The following UBD variants were observed in gnomAD, a reference collection of about 807,000 sequenced individuals.
The protein encoded by UBD is ubiquitin like modifier D, also known as ubiquitin D.
Under a neutral mutation model 2.3 loss-of-function variants are expected in UBD, and 1 was observed. That is an observed-to-expected ratio of 0.43 (90% CI 0.15 to 2.06). UBD has a LOEUF of 2.06. Ranked by LOEUF, UBD falls within the 30% of genes most tolerant of loss-of-function variation. The pLI is 0.29. For synonymous variants in UBD, 75 were observed against 76.5 expected (o/e 0.98, Z 0.10); for missense variants, 175 against 199.3 (o/e 0.88, Z 0.73).
intron 1 of UBD, chr6:29,556,576 T>A: frequency 1.9e-6 from 1 of 520,174 alleles, no homozygotes; most frequent in Non-Finnish European, 3.4e-6. Context: ...TTTTTTTCGA[T>A]CTTGAGAATG....
chr6:29,556,113 G>A lies in UBD; in HGVS notation c.265C>T (p.Pro89Ser), dbSNP rs143322386. The A allele has an allele frequency of 1.2e-6, 2 of 1,612,998 alleles. No individual in the cohort carries two copies. Among genetic ancestry groups the A allele is most frequent in the African/African-American group, 1.3e-5 (1 of 74,914 alleles). ...KVVKPSDEEL[P>S]LFLVESGDEA... ...TCACCTGACTCCACAAGAAACAAGGGCAGCTCCTCATCACTGGGCTTCACC... is the reference window on the plus strand; with the variant it reads ...TCACCTGACTCCACAAGAAACAAGGACAGCTCCTCATCACTGGGCTTCACC... The change falls in exon 2 of 2, where the codon CCC becomes TCC. Residue 89 changes from proline to serine, a missense_variant. Coordinates refer to ENST00000377050, the MANE Select transcript of UBD (RefSeq NM_006398.4).
intron 1 of UBD, 77 bp downstream of exon 1, chr6:29,559,598 C>T (rs1378100924): frequency 6.5e-7 from 1 of 1,539,408 alleles, no homozygotes; most frequent in Non-Finnish European, 9.0e-7. Context: ...ACTGCCCAGC[C>T]CCCGTTTCTA....
chr6:29,559,581 CCT>C (rs1762702188), intron 1 of UBD, 92 bp downstream of exon 1: 1 of 1,387,292 alleles, frequency 7.2e-7, no homozygotes, highest in Admixed American at 1.7e-5. Flanking sequence ...CCCCCAGAGC[CCT>C]GAGTACTGCC....
At chr6:29,558,784 C>T (rs376234396) in intron 1 of UBD, among the ~76,000 whole-genome samples, 2 of 152,318 alleles carry the variant, frequency 1.3e-5, no homozygotes, top group South Asian at 4.1e-4. Context: ...ACTGGGTCCA[C>T]GGTTCTCTTC....
Position 29,555,880 on chromosome 6 carries a change from T to C in UBD, c.498A>G (p.Ter166TrpextTer17), listed in dbSNP as rs1762482874. Reference protein sequence around the residue: ...LFLACYCIGG* With the variant: ...LFLACYCIGGW ...TGCCAACACCCCATGCCCAGGGTGGTCACCCTCCAATACAATAACATGCCA... is the reference window on the plus strand; with the variant it reads ...TGCCAACACCCCATGCCCAGGGTGGCCACCCTCCAATACAATAACATGCCA... The change falls in exon 2 of 2, where the codon TGA becomes TGG. Residue 166 changes from the stop codon to tryptophan (W), a stop_lost. Coordinates refer to ENST00000377050, the MANE Select transcript of UBD (RefSeq NM_006398.4). 1.9e-6 allele frequency: 3 copies of C among 1,611,786 alleles called. No individual in the cohort carries two copies. The highest frequency in any genetic ancestry group is 1.7e-6 in the Non-Finnish European group (2 of 1,179,128).
In UBD at chr6:29,556,155, G is replaced by C; in HGVS notation, c.223C>G (p.His75Asp). Reference sequence around the variant, plus strand: ...GGCTTCACCACTTTCAGGGTAAGGTGGATGGTCTTCTCTTTGTCAATGCCA... The same window carrying C: ...GGCTTCACCACTTTCAGGGTAAGGTCGATGGTCTTCTCTTTGTCAATGCCA... ...SYGIDKEKTIHLTLKVVKPSD... is the reference protein window; with the variant it reads ...SYGIDKEKTIDLTLKVVKPSD... The change falls in exon 2 of 2, where the codon CAC (histidine) becomes GAC (aspartate). Residue 75 changes from histidine (H) to aspartate (D), a missense_variant. Transcript: ENST00000377050. 3.1e-6 allele frequency: 5 copies of C among 1,613,062 alleles called. No homozygotes were observed. Among genetic ancestry groups the C allele is most frequent in the Non-Finnish European group, 4.2e-6 (5 of 1,180,036 alleles).
At chr6:29,556,477 T>A in intron 1 of UBD, 127 bp from the exon 2 acceptor site, 1 of 632,494 alleles carries the variant, frequency 1.6e-6, no homozygotes, top group East Asian at 2.7e-5. Context: ...CAGTAGCCAG[T>A]GTCCCTCTCT....
intron 1 of UBD, among the ~76,000 whole-genome samples, chr6:29,558,714 G>A (rs59731351): frequency 6.6e-6 from 1 of 152,068 alleles, no homozygotes; most frequent in Non-Finnish European, 1.5e-5. Flanking sequence ...GGCTAAAGGC[G>A]TACCATTGTT....
chr6:29,557,208 C>CT, intron 1 of UBD: 1 of 152,252 alleles, frequency 6.6e-6, no homozygotes, highest in South Asian at 2.1e-4. Flanking sequence ...AAAGTTTTTT[C>CT]TTTTTTCTCT....
Position 29,555,910 on chromosome 6 carries a change from G to T in UBD, c.468C>A (p.Leu156=), listed in dbSNP as rs1762485564. 1.2e-6 allele frequency: 2 copies of T among 1,613,044 alleles called. No individual in the cohort carries two copies. The highest frequency in any genetic ancestry group is 1.7e-6 in the Non-Finnish European group (2 of 1,180,016). The part of the protein sequence containing the change: ...ADYGIRKGNL[L]FLACYCIGG ...CTCCAATACAATAACATGCCAGGAA[G>T]AGTAAGTTGCCCTTTCTGATGCCGT... The change falls in exon 2 of 2, where the codon CTC becomes CTA. Residue 156 remains leucine, a synonymous_variant. Coordinates refer to ENST00000377050, the MANE Select transcript of UBD (RefSeq NM_006398.4).
intron 1 of UBD, among the ~76,000 whole-genome samples, chr6:29,558,458 G>A (rs1173454233): frequency 1.3e-5 from 2 of 152,180 alleles, no homozygotes; most frequent in East Asian, 1.9e-4. Context: ...ACAGGCATTC[G>A]AGCCAGCAAC....
rs746317061 is a variant in UBD at position 29,556,252 on chromosome 6, C to G, written c.126G>C (p.Lys42Asn). The change falls in exon 2 of 2, where the codon AAG becomes AAC. Residue 42 changes from lysine to asparagine, a missense_variant. Coordinates refer to ENST00000377050, the MANE Select transcript of UBD (RefSeq NM_006398.4). Reference sequence around the variant, plus strand: ...AAAGAACCTGGTCCTGCACAGGAACCTTGGTCTTAGACCGGACATGTTCTT... The same window carrying G: ...AAAGAACCTGGTCCTGCACAGGAACGTTGGTCTTAGACCGGACATGTTCTT... ...KIKEHVRSKT[K>N]VPVQDQVLLL... 7 of 1,612,994 alleles carry G rather than the reference C, an allele frequency of 4.3e-6. No homozygotes were observed. In the African/African-American group the frequency reaches 6.7e-5, roughly 15 times the overall value.
At position 29,555,957 on chromosome 6, in the gene UBD, C is replaced by T; in HGVS notation, c.421G>A (p.Asp141Asn). The T allele has an allele frequency of 6.2e-7, 1 of 1,613,150 alleles. No individual in the cohort carries two copies. The highest frequency in any genetic ancestry group is 1.3e-5 in the African/African-American group (1 of 75,060). ...IVTCNGKRLE[D>N]GKMMADYGIR... is the part of the protein sequence containing the mutation. Reference sequence around the variant, plus strand: ...CCGTAATCTGCCATCATCTTCCCATCTTCCAGTCTCTTTCCATTGCAAGTC... The same window carrying T: ...CCGTAATCTGCCATCATCTTCCCATTTTCCAGTCTCTTTCCATTGCAAGTC... The change falls in exon 2 of 2, where the codon GAT becomes AAT. Residue 141 changes from aspartate to asparagine, a missense_variant. By Grantham distance (23) the Asp-to-Asn change is conservative. Coordinates refer to ENST00000377050, the MANE Select transcript of UBD (RefSeq NM_006398.4).
At chr6:29,557,959 G>T (rs1361139767) in intron 1 of UBD, among the ~76,000 whole-genome samples, 1 of 152,162 alleles carries the variant, frequency 6.6e-6, no homozygotes, top group African/African-American at 2.4e-5. Context: ...GGCTTCAAAA[G>T]ATGTACATCA....
Position 29,556,099 on chromosome 6 carries a change from C to T in UBD, c.279G>A (p.Val93=). 1.2e-6 allele frequency: 2 copies of T among 1,613,096 alleles called. No individual in the cohort carries two copies. Among genetic ancestry groups the T allele is most frequent in the Non-Finnish European group, 1.7e-6 (2 of 1,180,030 alleles). ...GCCTCTTTGCCTCATCACCTGACTC[C>T]ACAAGAAACAAGGGCAGCTCCTCAT... is the stretch of plus-strand genomic sequence containing the variant. The part of the protein sequence containing the change: ...PSDEELPLFL[V]ESGDEAKRHL... The change falls in exon 2 of 2, where the codon GTG becomes GTA. Residue 93 remains valine (V), a synonymous_variant. Transcript: ENST00000377050.
intron 1 of UBD, chr6:29,556,866 A>G (rs1184917968): frequency 6.4e-6 from 1 of 155,260 alleles, no homozygotes; most frequent in African/African-American, 2.4e-5. Context: ...CTGAGGCAGG[A>G]GAATCATTTG....
At chr6:29,559,442 G>C (rs936016386) in intron 1 of UBD, among the ~76,000 whole-genome samples, 12 of 152,252 alleles carry the variant, frequency 7.9e-5, no homozygotes, top group Non-Finnish European at 1.3e-4. Flanking sequence ...ATCCCTAAGA[G>C]TAGCTAGTCC....
chr6:29,558,417 C>T (rs1262010401), intron 1 of UBD, among the ~76,000 whole-genome samples: 1 of 152,200 alleles, frequency 6.6e-6, no homozygotes, highest in Non-Finnish European at 1.5e-5. Context: ...CCTGAGATCA[C>T]AGCGGGAGGG....
At chr6:29,558,502 G>A (rs1256820454) in intron 1 of UBD, among the ~76,000 whole-genome samples, 1 of 152,200 alleles carries the variant, frequency 6.6e-6, no homozygotes, top group African/African-American at 2.4e-5. Flanking sequence ...CTTTGTATGG[G>A]AGCTCTGTCT....
Sources: gnomAD v4.1 joint callset for allele counts (sites outside exome capture counted in the v4.1 genomes callset) on GRCh38, gnomAD v4.1.1 for gene constraint, MANE v1.5 for transcripts, NCBI Gene and HGNC (gene_info 2026-07-23, HGNC 2026-07-21) for gene names.